Variants in GPHN observed in about 807,000 individuals in gnomAD.
The protein encoded by GPHN is gephyrin.
Under a neutral mutation model 95.5 loss-of-function variants are expected in GPHN, and 17 were observed. The observed-to-expected ratio is 0.18, with a 90% CI of 0.12 to 0.27. The LOEUF (loss-of-function observed/expected upper bound fraction) is 0.27. GPHN is among the 10% of genes least tolerant of loss of function. The pLI, the probability that GPHN is intolerant of heterozygous loss-of-function variation, is 1.00. For missense variants in GPHN, 660 were observed against 978.1 expected, an observed-to-expected ratio of 0.67 and a Z score of 4.34; for synonymous variants, 320 against 322.5, an observed-to-expected ratio of 0.99 and a Z score of 0.08.
intron 2 of GPHN, among the ~76,000 whole-genome samples, chr14:66,763,548 T>G (rs2058841142): frequency 6.6e-6 from 1 of 151,714 alleles, no homozygotes; most frequent in African/African-American, 2.4e-5. Context: ...ATTTCATCCA[T>G]GTCCCTACAA....
chr14:67,498,448 T>G, the GPHN span, among the ~76,000 whole-genome samples: 2 of 152,214 alleles, frequency 1.3e-5, no homozygotes, highest in Non-Finnish European at 2.9e-5. Flanking sequence ...TAACTTTCCC[T>G]TTATTTCTTT....
chr14:66,961,908 A>ATATATATATATATAT (rs2153585361), intron 8 of GPHN, among the ~76,000 whole-genome samples: 1 of 76,728 alleles, frequency 1.3e-5, no homozygotes, highest in African/African-American at 3.8e-5. Flanking sequence ...GTGTATATAT[A>ATATATATATATATAT]TATATATATA....
At chr14:67,689,994 T>C in the GPHN span, 18 of 529,952 alleles carry the variant, frequency 3.4e-5, no homozygotes, top group South Asian at 3.4e-4. Flanking sequence ...AGCTAGTAAG[T>C]AGTAAAGCCA....
the GPHN span, among the ~76,000 whole-genome samples, chr14:67,675,325 T>C: frequency 2.0e-5 from 3 of 151,858 alleles, no homozygotes; most frequent in African/African-American, 7.3e-5. Flanking sequence ...CTGGGCACAA[T>C]AGCGAGAGCT....
At chr14:66,916,631 A>C (rs956744521) in intron 6 of GPHN, among the ~76,000 whole-genome samples, 1 of 151,948 alleles carries the variant, frequency 6.6e-6, no homozygotes, top group Admixed American at 6.6e-5. Flanking sequence ...TCCAGAACTG[A>C]CACCATGTGG....
chr14:66,966,409 T>A (rs1260100093), intron 9 of GPHN, among the ~76,000 whole-genome samples: 7 of 152,064 alleles, frequency 4.6e-5, no homozygotes, highest in Non-Finnish European at 1.0e-4. Context: ...AAAACTGATA[T>A]TAATTTTATC....
intron 4 of GPHN, among the ~76,000 whole-genome samples, chr14:66,856,719 A>G (rs556243553): frequency 2.0e-5 from 3 of 152,206 alleles, no homozygotes; most frequent in Non-Finnish European, 2.9e-5. Context: ...TTGAAATAAT[A>G]TGCAAAAACT....
chr14:66,945,602 C>A (rs1163730105), intron 8 of GPHN, among the ~76,000 whole-genome samples: 1 of 152,060 alleles, frequency 6.6e-6, no homozygotes, highest in Non-Finnish European at 1.5e-5. Flanking sequence ...TCAAACACCA[C>A]CTGCTTCCCC....
chr14:66,563,627 A>C (rs574533788), intron 1 of GPHN, among the ~76,000 whole-genome samples: 1 of 152,198 alleles, frequency 6.6e-6, no homozygotes, highest in African/African-American at 2.4e-5. Context: ...TTCCAATTCT[A>C]ATGTCTTTCT....
At chr14:66,742,347 GTA>G (rs1044507134) in intron 2 of GPHN, among the ~76,000 whole-genome samples, 1 of 152,044 alleles carries the variant, frequency 6.6e-6, no homozygotes, top group Non-Finnish European at 1.5e-5. Context: ...GATTTTTTAT[GTA>G]TATATATATG....
intron 2 of GPHN, among the ~76,000 whole-genome samples, chr14:66,730,069 A>G (rs2071626753): frequency 6.6e-6 from 1 of 152,244 alleles, no homozygotes; most frequent in Admixed American, 6.5e-5. Context: ...ACTTTATATA[A>G]TATGGTAACT....
chr14:67,056,625 C>G (rs991835283), intron 10 of GPHN, among the ~76,000 whole-genome samples: 2 of 152,250 alleles, frequency 1.3e-5, no homozygotes, highest in Admixed American at 1.3e-4. Flanking sequence ...CATAAAAGTT[C>G]TCCAAGTCCC....
chr14:67,421,974 C>T, the GPHN span, among the ~76,000 whole-genome samples: 15 of 152,210 alleles, frequency 9.9e-5, no homozygotes, highest in South Asian at 2.1e-4. Flanking sequence ...GACTGGTATC[C>T]GGTCAGTCAT....
chr14:67,314,178 T>G, the GPHN span, among the ~76,000 whole-genome samples: 1 of 150,352 alleles, frequency 6.7e-6, no homozygotes, highest in Non-Finnish European at 1.5e-5. Context: ...AGCAATAGTT[T>G]AGGGGAAAAG....
At chr14:66,643,516 G>T (rs2064557448) in intron 1 of GPHN, among the ~76,000 whole-genome samples, 1 of 151,964 alleles carries the variant, frequency 6.6e-6, no homozygotes, top group Non-Finnish European at 1.5e-5. Flanking sequence ...CTAAATCATG[G>T]TACATTCATA....
chr14:66,764,740 A>G (rs1216019109), intron 2 of GPHN, among the ~76,000 whole-genome samples: 9 of 152,140 alleles, frequency 5.9e-5, no homozygotes, highest in African/African-American at 1.9e-4. Context: ...AAAAATCAGT[A>G]AATCTATTGT....
intron 1 of GPHN, among the ~76,000 whole-genome samples, chr14:66,671,388 A>T (rs1179797850): frequency 1.3e-5 from 2 of 152,156 alleles, no homozygotes; most frequent in Non-Finnish European, 2.9e-5. Flanking sequence ...TAATTTGAAA[A>T]TTTATCTGCT....
chr14:67,625,547 G>A, the GPHN span, among the ~76,000 whole-genome samples: 1 of 151,874 alleles, frequency 6.6e-6, no homozygotes, highest in African/African-American at 2.4e-5. Context: ...GGGCATGGTG[G>A]TGCATGCCTG....
chr14:67,430,731 C>T, the GPHN span, among the ~76,000 whole-genome samples: 1 of 152,042 alleles, frequency 6.6e-6, no homozygotes, highest in Non-Finnish European at 1.5e-5. Context: ...TGATGAAAGG[C>T]CCAGAGACCT....
Sources: allele counts gnomAD v4.1 joint callset (sites outside exome capture counted in the v4.1 genomes callset), GRCh38; gene constraint gnomAD v4.1.1; transcripts MANE v1.5; gene names NCBI Gene and HGNC (gene_info 2026-07-23, HGNC 2026-07-21).